INPP5A: variants seen among roughly 807,000 people sequenced by gnomAD.
INPP5A encodes inositol polyphosphate-5-phosphatase A, also known as 43 kDa inositol polyphosphate 5-phophatase.
Under a neutral mutation model 65.2 loss-of-function variants are expected in INPP5A, and 14 were observed. The observed-to-expected ratio is 0.21, with a 90% CI of 0.14 to 0.34. The LOEUF (loss-of-function observed/expected upper bound fraction) is 0.34. Among genes scored for constraint, INPP5A ranks in the 10% least tolerant of loss-of-function variants. The pLI is 1.00. For missense variants in INPP5A, 431 were observed against 545.6 expected (o/e 0.79, Z 2.09); for synonymous variants, 207 against 208.3 (o/e 0.99, Z 0.05).
At chr10:132,717,092 T>C (rs1170576745) in intron 8 of INPP5A, among the ~76,000 whole-genome samples, 1 of 152,092 alleles carries the variant, frequency 6.6e-6, no homozygotes, top group Non-Finnish European at 1.5e-5. Context: ...CGACCTTAGT[T>C]CTCAGTTTGA....
At chr10:132,730,464 G>C (rs1422156725) in intron 9 of INPP5A, among the ~76,000 whole-genome samples, 2 of 152,256 alleles carry the variant, frequency 1.3e-5, no homozygotes, top group African/African-American at 4.8e-5. Context: ...CTCACGCCCT[G>C]TCTGCAGGCT....
At chr10:132,736,311 G>A (rs1481434170) in intron 9 of INPP5A, among the ~76,000 whole-genome samples, 2 of 152,248 alleles carry the variant, frequency 1.3e-5, no homozygotes, top group Non-Finnish European at 2.9e-5. Flanking sequence ...CCGTCTCCAC[G>A]CGGCCCGACC....
intron 2 of INPP5A, among the ~76,000 whole-genome samples, chr10:132,632,873 G>A (rs1474372087): frequency 1.3e-5 from 2 of 152,336 alleles, no homozygotes; most frequent in Admixed American, 6.5e-5. Context: ...GCCTTGCCGA[G>A]CACCTCTCCT....
intron 4 of INPP5A, among the ~76,000 whole-genome samples, chr10:132,673,764 A>G (rs538340949): frequency 5.3e-5 from 8 of 152,346 alleles, no homozygotes; most frequent in African/African-American, 1.9e-4. Flanking sequence ...GTAAGTGTCT[A>G]TTCCAGTGAG....
rs1211526653 is a variant in INPP5A, at chr10:132,753,178, G to A, written c.903+3333G>A. Among the ~76,000 whole-genome samples the A allele has an allele frequency of 3.3e-5, 5 of 152,266 alleles. No individual in the cohort carries two copies. The highest frequency in any genetic ancestry group is 4.4e-5 in the Non-Finnish European group (3 of 68,014). On this transcript the variant is annotated intron_variant, in intron 11 of 15. Coordinates refer to ENST00000368594, the MANE Select transcript of INPP5A (RefSeq NM_005539.5). The surrounding 1 kb of genome is among the most constrained non-coding windows in gnomAD (Gnocchi z 5.3). The stretch of plus-strand genomic sequence containing the variant: ...GACCCGGGTGCCCTCGCACTTGCCC[G>A]AGGTGCCGGCATGCCGAGTCAGTTG...
intron 1 of INPP5A, among the ~76,000 whole-genome samples, chr10:132,552,821 G>A (rs1438132963): frequency 6.8e-6 from 1 of 146,944 alleles, no homozygotes; most frequent in Non-Finnish European, 1.5e-5. Flanking sequence ...CGCCTTCTCA[G>A]AGCCTTGGTG....
In INPP5A at chr10:132,628,297, C is replaced by T. The variant is rs575451981; in HGVS notation, c.118-17571C>T. On this transcript the variant is annotated intron_variant, in intron 2 of 15. Transcript: ENST00000368594. ...TGGGCTGTGTAACCTCACCGTGCCC[C>T]GCTTCCTCGTGAGCATGCACCCATG... Among the ~76,000 whole-genome samples the T allele has an allele frequency of 1.6e-4, 24 of 151,674 alleles. No homozygotes were observed. The South Asian group carries it at 4.4e-3, about 28-fold the overall frequency.
intron 4 of INPP5A, among the ~76,000 whole-genome samples, chr10:132,652,501 G>A (rs1309566077): frequency 2.0e-5 from 3 of 152,212 alleles, no homozygotes; most frequent in Admixed American, 1.3e-4. Context: ...TACCAACGCA[G>A]GCCAAGGTCC....
At chr10:132,610,357 TG>T (rs1464130210) in intron 2 of INPP5A, among the ~76,000 whole-genome samples, 1 of 142,450 alleles carries the variant, frequency 7.0e-6, no homozygotes, top group East Asian at 2.3e-4. Flanking sequence ...AGCCCAGTGA[TG>T]GGGGTGGGGG....
chr10:132,557,316 A>G (rs2071139763), intron 1 of INPP5A, among the ~76,000 whole-genome samples: 2 of 152,228 alleles, frequency 1.3e-5, no homozygotes, highest in Admixed American at 1.3e-4. Flanking sequence ...CACAGTGCTC[A>G]GTGCCGGGCA....
chr10:132,707,476 T>A lies in INPP5A; in HGVS notation c.475-837T>A, dbSNP rs1845554683. On this transcript the variant is annotated intron_variant, in intron 6 of 15. Transcript: ENST00000368594. The surrounding 1 kb of genome is among the most constrained non-coding windows in gnomAD (Gnocchi z 5.5). ...CCCTGTTCTGCATGGCTGTTTAAAT[T>A]AAAATTAATGAAGATAAAATGGAAT... Among the ~76,000 whole-genome samples, 2 of 152,204 alleles carry A rather than the reference T, an allele frequency of 1.3e-5. No individual in the cohort carries two copies. Among genetic ancestry groups the A allele is most frequent in the Non-Finnish European group, 2.9e-5 (2 of 68,032 alleles).
chr10:132,755,611 AGTGGGT>A (rs1846589164), intron 11 of INPP5A, among the ~76,000 whole-genome samples: 1 of 139,748 alleles, frequency 7.2e-6, no homozygotes, highest in Non-Finnish European at 1.6e-5. Context: ...CATATGAGTG[AGTGGGT>A]GTGTGTGTGT....
chr10:132,677,960 T>C (rs2072989445), intron 4 of INPP5A, among the ~76,000 whole-genome samples: 1 of 152,220 alleles, frequency 6.6e-6, no homozygotes, highest in Non-Finnish European at 1.5e-5. Flanking sequence ...ACCAATTTAA[T>C]TAACCTCTAG....
In INPP5A at chr10:132,762,616, G is replaced by A. The variant is rs1321608616; in HGVS notation, c.904-3157G>A. ...GGAGTAGCTGAGCTTCTGGAGCAGG[G>A]TGGGATGAAGAAGGAAGAAGAACAT... is the stretch of plus-strand genomic sequence containing the variant. On this transcript the variant is annotated intron_variant, in intron 11 of 15. Coordinates refer to ENST00000368594, the MANE Select transcript of INPP5A (RefSeq NM_005539.5). This position sits in a 1 kb window ranked among gnomAD's most constrained non-coding sequence, Gnocchi z 4.6. Among the ~76,000 whole-genome samples, 1 of 152,296 alleles carries A rather than the reference G, an allele frequency of 6.6e-6. No homozygotes were observed. Among genetic ancestry groups the A allele is most frequent in the African/African-American group, 2.4e-5 (1 of 41,552 alleles).
At chr10:132,579,476 G>GGGCCGGAGCCAAGGAGTGGACTCT (rs1341310621) in intron 1 of INPP5A, among the ~76,000 whole-genome samples, 1 of 152,152 alleles carries the variant, frequency 6.6e-6, no homozygotes, top group African/African-American at 2.4e-5. Context: ...GGCAGAGAGG[G>GGGCCGGAGCCAAGGAGTGGACTCT]GGCCGGAGCC....
Position 132,704,896 on chromosome 10 carries a change from G to A in INPP5A, c.475-3417G>A, listed in dbSNP as rs1288800202. 1.4e-5 allele frequency among the ~76,000 whole-genome samples: 2 copies of A among 145,948 alleles called. No individual in the cohort carries two copies. The highest frequency in any genetic ancestry group is 3.0e-5 in the Non-Finnish European group (2 of 66,202). On this transcript the variant is annotated intron_variant, in intron 6 of 15. Coordinates refer to ENST00000368594, the MANE Select transcript of INPP5A (RefSeq NM_005539.5). The surrounding 1 kb of genome is among the most constrained non-coding windows in gnomAD (Gnocchi z 4.5). The stretch of plus-strand genomic sequence containing the variant: ...CAGGCAGCTCCTCTGGAGTGTGGAG[G>A]ATGGAGGAAGGGCGTCTGGACAGGC...
chr10:132,628,283 AC>A (rs2072215027), intron 2 of INPP5A, among the ~76,000 whole-genome samples: 1 of 152,058 alleles, frequency 6.6e-6, no homozygotes, highest in South Asian at 2.1e-4. Flanking sequence ...GGGCTGTGTA[AC>A]CTCACCGTGC....
At chr10:132,765,680 C>T (rs951320453) in intron 11 of INPP5A, 93 bp from the exon 12 acceptor site, 5 of 773,512 alleles carry the variant, frequency 6.5e-6, no homozygotes, top group South Asian at 4.4e-5. Flanking sequence ...GATGTCACAC[C>T]GAGCATTTGA....
chr10:132,597,852 C>T (rs185566909), intron 1 of INPP5A, among the ~76,000 whole-genome samples: 48 of 135,104 alleles, frequency 3.6e-4, no homozygotes, highest in African/African-American at 1.1e-3. Flanking sequence ...CTGTGCTATG[C>T]GCAGTGACTC....
Sources: allele counts gnomAD v4.1 joint callset (sites outside exome capture counted in the v4.1 genomes callset), GRCh38; gene constraint gnomAD v4.1.1; non-coding constraint Gnocchi (gnomAD v3.1); transcripts MANE v1.5; gene names NCBI Gene and HGNC (gene_info 2026-07-23, HGNC 2026-07-21).